Variants in VSIG1 observed in about 807,000 individuals in gnomAD.
The protein encoded by VSIG1 is V-set and immunoglobulin domain-containing protein 1.
A neutral mutation model predicts 20.1 loss-of-function variants in VSIG1; 11 were observed. The observed-to-expected ratio is 0.55, with a 90% CI of 0.34 to 0.91. VSIG1 has a LOEUF of 0.91. VSIG1 is among the 40% of genes least tolerant of loss of function. VSIG1 has a pLI of 0.02. For missense variants in VSIG1, 283 were observed against 298.8 expected (o/e 0.95, Z 0.39); for synonymous variants, 126 against 116.7 (o/e 1.08, Z -0.52).
At chrX:108,060,165 C>T (rs1194066849) in intron 2 of VSIG1, among the ~76,000 whole-genome samples, 1 of 111,988 alleles carries the variant, frequency 8.9e-6, no homozygotes, top group African/African-American at 3.2e-5. Flanking sequence ...AATCTGTTAA[C>T]AAATAAATAT....
chrX:108,059,524 A>G (rs1486399118), intron 2 of VSIG1, among the ~76,000 whole-genome samples: 3 of 112,127 alleles, frequency 2.7e-5, no homozygotes, highest in Non-Finnish European at 3.8e-5. Flanking sequence ...AACTGATATA[A>G]TGCATGTGAA....
chrX:108,030,446 CA>C, the VSIG1 span, among the ~76,000 whole-genome samples: 1 of 111,838 alleles, frequency 8.9e-6, no homozygotes, highest in Non-Finnish European at 1.9e-5. Flanking sequence ...GAAGGTCCCT[CA>C]GTTCATTCTG....
chrX:108,059,404 C>G (rs2030976747), intron 2 of VSIG1, among the ~76,000 whole-genome samples: 2 of 111,731 alleles, frequency 1.8e-5, no homozygotes, highest in African/African-American at 3.3e-5. Context: ...ATGCCACTCT[C>G]TAGTCCAAGT....
At chrX:108,073,649 C>A (rs1468619346) in intron 5 of VSIG1, 5 of 222,908 alleles carry the variant, frequency 2.2e-5, no homozygotes, top group Non-Finnish European at 8.0e-6. Flanking sequence ...AAAAAGAAGC[C>A]TTTCTGATAA....
the VSIG1 span, among the ~76,000 whole-genome samples, chrX:108,023,289 T>G: frequency 8.9e-6 from 1 of 112,109 alleles, no homozygotes; most frequent in African/African-American, 3.2e-5. Context: ...TACACTGAAC[T>G]AACCTTGTAT....
At chrX:108,049,478 G>C (rs745658153) in intron 1 of VSIG1, among the ~76,000 whole-genome samples, 17 of 111,796 alleles carry the variant, frequency 1.5e-4, no homozygotes, top group Non-Finnish European at 2.4e-4. Flanking sequence ...AGGCTCCACA[G>C]CCTCTTCCAT....
chrX:108,064,057 C>G (rs925187019), intron 2 of VSIG1, among the ~76,000 whole-genome samples: 1 of 112,407 alleles, frequency 8.9e-6, no homozygotes, highest in Non-Finnish European at 1.9e-5. Context: ...AAGAGTTATT[C>G]TTTTATGGAA....
the VSIG1 span, among the ~76,000 whole-genome samples, chrX:108,034,525 G>T: frequency 2.7e-5 from 3 of 110,718 alleles, no homozygotes; most frequent in Admixed American, 9.6e-5. Context: ...GTGTTTTTTT[G>T]TTTGTTTGTT....
At chrX:108,028,324 TC>T in the VSIG1 span, among the ~76,000 whole-genome samples, 5,183 of 111,829 alleles carry the variant, frequency 0.046, 324 homozygotes, top group African/African-American at 0.16. Flanking sequence ...TACAAATTTA[TC>T]CTTTTATACA....
At chrX:108,026,721 T>C in the VSIG1 span, among the ~76,000 whole-genome samples, 1 of 111,349 alleles carries the variant, frequency 9.0e-6, no homozygotes, top group African/African-American at 3.3e-5. Context: ...AAAATACACC[T>C]GTTCAGTCTC....
rs915722659 is a variant in VSIG1 at position 108,078,807 on chromosome X, C to T, written c.*1426C>T. On this transcript the variant is annotated 3_prime_UTR_variant, in exon 7 of 7. Coordinates refer to ENST00000217957, the MANE Select transcript of VSIG1 (RefSeq NM_182607.5). ...TTGAAAGGCAGTCCAGAAAAGTGTT[C>T]TAAGTGAACTCTTAAGATCTATTTT... 6 of 112,048 alleles carry T rather than the reference C, an allele frequency of 5.4e-5. No individual in the cohort carries two copies. Among genetic ancestry groups the T allele is most frequent in the African/African-American group, 1.9e-4 (6 of 30,770 alleles). The allele number at this position is 112,048 out of a possible 1,213,427, so 9.2% of individuals were successfully genotyped here. A position where few individuals can be genotyped will look rare whatever the true frequency, so the allele number is the denominator to read the frequency against.
upstream of VSIG1, among the ~76,000 whole-genome samples, chrX:108,041,689 C>CA (rs1224792728): frequency 9.3e-6 from 1 of 107,007 alleles, no homozygotes; most frequent in East Asian, 2.9e-4. Flanking sequence ...ATGAATGGGA[C>CA]TTTTTTTCCT....
the VSIG1 span, among the ~76,000 whole-genome samples, chrX:108,020,522 CTGTT>C: frequency 4.5e-5 from 5 of 111,459 alleles, no homozygotes; most frequent in Non-Finnish European, 3.8e-5. Context: ...CTTGCTTTGT[CTGTT>C]TGAGGAGGTC....
the VSIG1 span, among the ~76,000 whole-genome samples, chrX:108,030,913 A>G: frequency 8.9e-6 from 1 of 112,283 alleles, no homozygotes; most frequent in African/African-American, 3.2e-5. Context: ...AAGGCAAACA[A>G]GAGGATAAAA....
At chrX:108,037,236 A>G in the VSIG1 span, among the ~76,000 whole-genome samples, 1 of 112,581 alleles carries the variant, frequency 8.9e-6, no homozygotes, top group Non-Finnish European at 1.9e-5. Context: ...TTAAAAAATT[A>G]TACAAAACCA....
Position 108,047,829 on chromosome X carries a change from TAC to T in VSIG1, c.49+2654_49+2655del, listed in dbSNP as rs199515601. ...ATATACATATATATATACATATATATACACATATATATATACATATATATATA... is the reference window on the plus strand; with the variant it reads ...ATATACATATATATATACATATATATACATATATATATACATATATATATA... On this transcript the variant is annotated intron_variant, in intron 1 of 6. Coordinates refer to ENST00000217957, the MANE Select transcript of VSIG1 (RefSeq NM_182607.5). Among the ~76,000 whole-genome samples, 322 of 37,789 alleles carry T rather than the reference TAC, an allele frequency of 8.5e-3. 9 individuals are homozygous for T. Among genetic ancestry groups the T allele is most frequent in the Non-Finnish European group, 0.012 (221 of 18,105 alleles). The allele number at this position is 37,789 out of a possible 115,157, so 32.8% of individuals were successfully genotyped here. A position where few individuals can be genotyped will look rare whatever the true frequency, so the allele number is the denominator to read the frequency against.
chrX:108,035,397 A>T, the VSIG1 span, among the ~76,000 whole-genome samples: 159 of 110,885 alleles, frequency 1.4e-3, 1 homozygote, highest in Non-Finnish European at 2.4e-3. Context: ...TTTTTTTTTT[A>T]AAGATATTTA....
the VSIG1 span, among the ~76,000 whole-genome samples, chrX:108,035,298 A>G: frequency 6.3e-5 from 7 of 110,585 alleles, no homozygotes; most frequent in African/African-American, 2.3e-4. Context: ...GCGGGGTTTC[A>G]TCATGTTGGA....
intron 1 of VSIG1, among the ~76,000 whole-genome samples, chrX:108,047,805 T>TACAC (rs2030626067): frequency 1.4e-5 from 1 of 70,757 alleles, no homozygotes; most frequent in African/African-American, 5.9e-5. Context: ...TATATATATA[T>TACAC]ATACATATAT....
Sources: gnomAD v4.1 joint callset for allele counts (sites outside exome capture counted in the v4.1 genomes callset) on GRCh38, gnomAD v4.1.1 for gene constraint, MANE v1.5 for transcripts, NCBI Gene and HGNC (gene_info 2026-07-23, HGNC 2026-07-21) for gene names.